The following ARHGEF3 variants were observed in gnomAD, a reference collection of about 807,000 sequenced individuals.
The protein encoded by ARHGEF3 is Rho guanine nucleotide exchange factor 3.
ARHGEF3 carries 28 observed loss-of-function variants against 63.2 expected under a neutral mutation model. The ratio of observed to expected loss-of-function variants is 0.44; its 90% confidence interval spans 0.33 to 0.61. The LOEUF (loss-of-function observed/expected upper bound fraction) is 0.61, where lower values mean the gene tolerates loss of function less well. Ranked by LOEUF, ARHGEF3 falls within the 20% of genes least tolerant of loss-of-function variation. ARHGEF3 has a pLI of 0.03. For synonymous variants in ARHGEF3, 266 were observed against 254.2 expected (o/e 1.05, Z -0.44); for missense variants, 533 against 659.3 (o/e 0.81, Z 2.10).
intron 3 of ARHGEF3, among the ~76,000 whole-genome samples, chr3:56,902,692 T>G (rs1335366447): frequency 6.6e-6 from 1 of 152,204 alleles, no homozygotes; most frequent in African/African-American, 2.4e-5. Context: ...CCTGCCCAGG[T>G]TGCAGGCCAG....
Position 56,948,739 on chromosome 3 carries a change from A to T in ARHGEF3, c.129+10084T>A, listed in dbSNP as rs370662347. On this transcript the variant is annotated intron_variant, in intron 3 of 12. Coordinates refer to the ARHGEF3 transcript ENST00000338458. Reference sequence around the variant, plus strand: ...GTACCATTCCTTCTGAAACTATTCCAATCAACAGAAAAAGAGGGACTCCTC... The same window carrying T: ...GTACCATTCCTTCTGAAACTATTCCTATCAACAGAAAAAGAGGGACTCCTC... 2.0e-5 allele frequency among the ~76,000 whole-genome samples: 3 copies of T among 152,340 alleles called. No homozygotes were observed. In the South Asian group the frequency reaches 6.2e-4, roughly 32 times the overall value.
At chr3:56,920,735 AT>A (rs60502817) in intron 3 of ARHGEF3, among the ~76,000 whole-genome samples, 3,263 of 152,292 alleles carry the variant, frequency 0.021, 105 homozygotes, top group African/African-American at 0.075. Flanking sequence ...CACAAACTGA[AT>A]TTAAAAATAG....
chr3:56,733,322 T>G (rs758395780), intron 8 of ARHGEF3, among the ~76,000 whole-genome samples: 9 of 2,470 alleles, frequency 3.6e-3, no homozygotes, highest in African/African-American at 4.8e-3. Context: ...CCAGGCGAGG[T>G]GGGCGGGGCG....
At chr3:56,774,365 T>C (rs1482121025) in intron 1 of ARHGEF3, among the ~76,000 whole-genome samples, 1 of 152,164 alleles carries the variant, frequency 6.6e-6, no homozygotes. Context: ...TCTTTGTATC[T>C]ACAGCATATT....
At chr3:56,918,607 G>A (rs1293067560) in intron 3 of ARHGEF3, among the ~76,000 whole-genome samples, 1 of 152,194 alleles carries the variant, frequency 6.6e-6, no homozygotes, top group African/African-American at 2.4e-5. Flanking sequence ...ACAGGGCACG[G>A]CCGTCTCCTC....
chr3:56,951,160 AG>A, intron 3 of ARHGEF3, among the ~76,000 whole-genome samples: 1 of 151,958 alleles, frequency 6.6e-6, no homozygotes, highest in East Asian at 1.9e-4. Flanking sequence ...GGATAGCATT[AG>A]GAGATATACC....
At chr3:56,944,033 A>T (rs930978907) in intron 3 of ARHGEF3, among the ~76,000 whole-genome samples, 1 of 151,968 alleles carries the variant, frequency 6.6e-6, no homozygotes, top group Admixed American at 6.6e-5. Flanking sequence ...AAAATTAGCC[A>T]GGCATGATGG....
At chr3:57,055,776 G>A (rs954556038) in intron 1 of ARHGEF3, among the ~76,000 whole-genome samples, 8 of 151,984 alleles carry the variant, frequency 5.3e-5, no homozygotes, top group East Asian at 1.9e-4. Context: ...ATTCCTCCTC[G>A]CCCCTGAAGC....
chr3:56,963,809 GT>G (rs1413100298), intron 2 of ARHGEF3, among the ~76,000 whole-genome samples: 2 of 152,172 alleles, frequency 1.3e-5, no homozygotes, highest in Non-Finnish European at 2.9e-5. Flanking sequence ...TTTAGTTTCT[GT>G]TTTTAGGACA....
intron 2 of ARHGEF3, among the ~76,000 whole-genome samples, chr3:56,968,287 A>T (rs796546885): frequency 3.4e-4 from 12 of 35,464 alleles, no homozygotes; most frequent in East Asian, 1.2e-3. Flanking sequence ...AAATATATAT[A>T]ATATATATAA....
intron 2 of ARHGEF3, among the ~76,000 whole-genome samples, chr3:56,984,980 G>A (rs377424111): frequency 3.9e-5 from 6 of 152,356 alleles, no homozygotes; most frequent in African/African-American, 1.4e-4. Context: ...ATTATGGGAA[G>A]TCATATTTCT....
chr3:57,036,081 G>A (rs1006804195), intron 1 of ARHGEF3, among the ~76,000 whole-genome samples: 2 of 152,138 alleles, frequency 1.3e-5, no homozygotes, highest in African/African-American at 4.8e-5. Context: ...GACAGGTGAG[G>A]CCAAACTCTT....
At chr3:56,919,118 AG>A (rs1419185002) in intron 3 of ARHGEF3, among the ~76,000 whole-genome samples, 5 of 152,214 alleles carry the variant, frequency 3.3e-5, no homozygotes, top group Non-Finnish European at 7.3e-5. Flanking sequence ...GGTCAGTTCC[AG>A]CTTTTCGGGT....
intron 1 of ARHGEF3, among the ~76,000 whole-genome samples, chr3:57,040,067 C>T (rs1161037280): frequency 6.6e-6 from 1 of 152,144 alleles, no homozygotes; most frequent in Non-Finnish European, 1.5e-5. Flanking sequence ...TGATTCCCAG[C>T]AATGAGAATG....
chr3:57,079,200 G>A (rs1030015884), intron 1 of ARHGEF3: 16 of 395,710 alleles, frequency 4.0e-5, no homozygotes, highest in Non-Finnish European at 6.7e-5. Flanking sequence ...GCGGGAGCGG[G>A]TTTCCCGACT....
chr3:56,787,395 A>C (rs2036871647), intron 1 of ARHGEF3, among the ~76,000 whole-genome samples: 1 of 152,130 alleles, frequency 6.6e-6, no homozygotes, highest in African/African-American at 2.4e-5. Flanking sequence ...AATTTTCTAG[A>C]AACAGAGCAG....
chr3:56,745,172 CAAG>C (rs1397910106), intron 7 of ARHGEF3, 30 bp downstream of exon 7: 1 of 1,597,890 alleles, frequency 6.3e-7, no homozygotes, highest in Non-Finnish European at 8.5e-7. Flanking sequence ...GTGGAAATAA[CAAG>C]AAGAGAGAGA....
chr3:56,873,970 G>A (rs17235778), intron 4 of ARHGEF3, among the ~76,000 whole-genome samples: 5 of 152,110 alleles, frequency 3.3e-5, no homozygotes, highest in Admixed American at 6.5e-5. Flanking sequence ...ATTCATATCC[G>A]AGAGTGTGTC....
intron 3 of ARHGEF3, among the ~76,000 whole-genome samples, chr3:56,949,085 A>G (rs1699668773): frequency 6.6e-6 from 1 of 152,060 alleles, no homozygotes; most frequent in African/African-American, 2.4e-5. Flanking sequence ...ACAGCCCTTC[A>G]TGCTAAAAAC....
Sources: allele counts gnomAD v4.1 joint callset (sites outside exome capture counted in the v4.1 genomes callset), GRCh38; gene constraint gnomAD v4.1.1; transcripts MANE v1.5; gene names NCBI Gene and HGNC (gene_info 2026-07-23, HGNC 2026-07-21).